ABCC1: variants seen among roughly 807,000 people sequenced by gnomAD.
The protein encoded by ABCC1 is ATP binding cassette subfamily C member 1 (ABCC1 blood group).
ABCC1 carries 83 observed loss-of-function variants against 172.9 expected under a neutral mutation model. The ratio of observed to expected loss-of-function variants is 0.48; its 90% CI spans 0.40 to 0.58. ABCC1 has a LOEUF of 0.58. Ranked by LOEUF, ABCC1 falls within the 20% of genes least tolerant of loss-of-function variation. The probability of loss-of-function intolerance (pLI) is 0.00; values close to 1 mark genes in which losing one functional copy is unlikely to be tolerated. For synonymous variants in ABCC1, 937 were observed against 825.2 expected, an observed-to-expected ratio of 1.14 and a Z score of -2.32; for missense variants, 1,817 against 2,002.7, an observed-to-expected ratio of 0.91 and a Z score of 1.77.
chr16:15,950,907 A>G (rs1476921717), intron 1 of ABCC1, among the ~76,000 whole-genome samples: 1 of 151,946 alleles, frequency 6.6e-6, no homozygotes, highest in African/African-American at 2.4e-5. Context: ...CCAGGGCCCC[A>G]TTGGAGGGTT....
At chr16:16,102,536 C>T (rs1213536250) in intron 19 of ABCC1, 91 bp from the exon 20 acceptor site, 77 of 1,163,084 alleles carry the variant, frequency 6.6e-5, no homozygotes, top group Non-Finnish European at 7.8e-5. Flanking sequence ...GCTCTGTGGT[C>T]TCCTCACTGA....
At chr16:15,973,476 C>CT (rs2046414761) in intron 1 of ABCC1, among the ~76,000 whole-genome samples, 1 of 152,070 alleles carries the variant, frequency 6.6e-6, no homozygotes, top group African/African-American at 2.4e-5. Flanking sequence ...GTCAGTAGTA[C>CT]TGCAGTTGAG....
chr16:16,089,439 T>G (rs1187056238), intron 18 of ABCC1, among the ~76,000 whole-genome samples: 1 of 151,938 alleles, frequency 6.6e-6, no homozygotes, highest in Non-Finnish European at 1.5e-5. Context: ...TCCCAGCTAC[T>G]TGGGAGGCTG....
At chr16:16,009,648 C>T (rs1211974113) in intron 2 of ABCC1, 128 bp from the exon 3 acceptor site, 11 of 1,024,866 alleles carry the variant, frequency 1.1e-5, no homozygotes, top group Non-Finnish European at 1.4e-5. Context: ...TGTGCCATGT[C>T]CTAGGACTGT....
At chr16:16,115,705 C>T (rs527524387) in intron 23 of ABCC1, among the ~76,000 whole-genome samples, 1 of 152,002 alleles carries the variant, frequency 6.6e-6, no homozygotes, top group East Asian at 1.9e-4. Context: ...GAGGCAGGAA[C>T]TAAACAAAAA....
intron 23 of ABCC1, among the ~76,000 whole-genome samples, chr16:16,118,530 A>G (rs1274018504): frequency 6.6e-6 from 1 of 150,908 alleles, no homozygotes; most frequent in African/African-American, 2.4e-5. Context: ...AAACAGGCCA[A>G]ATGCAGTGTT....
At chr16:16,137,478 A>G (rs1443834376) in intron 29 of ABCC1, among the ~76,000 whole-genome samples, 1 of 151,234 alleles carries the variant, frequency 6.6e-6, no homozygotes, top group Non-Finnish European at 1.5e-5. Flanking sequence ...AAAGCAAGGA[A>G]CATGTCTGAT....
At chr16:15,984,085 T>C (rs1476041443) in intron 1 of ABCC1, among the ~76,000 whole-genome samples, 2 of 152,172 alleles carry the variant, frequency 1.3e-5, no homozygotes, top group East Asian at 3.9e-4. Context: ...AGGGAACTCA[T>C]TGTGTCATTG....
chr16:15,956,544 C>A (rs1040167448), intron 1 of ABCC1, among the ~76,000 whole-genome samples: 9 of 151,760 alleles, frequency 5.9e-5, no homozygotes, highest in Non-Finnish European at 1.3e-4. Context: ...GCTGTGTTGC[C>A]GAGGCTGGTC....
intron 20 of ABCC1, among the ~76,000 whole-genome samples, chr16:16,103,611 CA>C (rs1357890622): frequency 5.3e-4 from 80 of 152,154 alleles, no homozygotes; most frequent in African/African-American, 1.8e-3. Flanking sequence ...ACAGCAGCAG[CA>C]GCAGAAAACA....
At chr16:16,076,766 C>T (rs1167051113) in intron 15 of ABCC1, among the ~76,000 whole-genome samples, 2 of 152,200 alleles carry the variant, frequency 1.3e-5, no homozygotes, top group Non-Finnish European at 2.9e-5. Context: ...CTGTGTTTCA[C>T]TTTCTCCTGG....
rs1233482898 is a variant in ABCC1, at chr16:16,076,363, A to G, written c.1950A>G (p.Thr650=). The G allele has an allele frequency of 2.5e-6, 4 of 1,612,248 alleles. No individual in the cohort carries two copies. The highest frequency in any genetic ancestry group is 3.4e-6 in the Non-Finnish European group (4 of 1,179,210). Residue 650 remains threonine, a synonymous_variant, in exon 15 of 31, where the codon ACA becomes ACG. Coordinates refer to ENST00000399410, the MANE Select transcript of ABCC1 (RefSeq NM_004996.4). ...GTNSITVRNA[T]FTWARSDPPT... Reference sequence around the variant, plus strand: ...ACAGCATCACCGTGAGGAATGCCACATTCACCTGGGCCAGGAGCGACCCTC... The same window carrying G: ...ACAGCATCACCGTGAGGAATGCCACGTTCACCTGGGCCAGGAGCGACCCTC...
chr16:16,101,019 TTTTTTTATTTTTA>T (rs1439787367), intron 19 of ABCC1, among the ~76,000 whole-genome samples: 8 of 152,054 alleles, frequency 5.3e-5, no homozygotes, highest in East Asian at 1.9e-4. Flanking sequence ...TTTTAGATTT[TTTTTTTATTTTTA>T]TTTTTTATTT....
At chr16:15,983,292 G>C (rs2046669812) in intron 1 of ABCC1, among the ~76,000 whole-genome samples, 1 of 152,124 alleles carries the variant, frequency 6.6e-6, no homozygotes, top group Admixed American at 6.6e-5. Flanking sequence ...GGGGTCCCTG[G>C]AACAGTGAGT....
intron 7 of ABCC1, among the ~76,000 whole-genome samples, chr16:16,040,237 C>T (rs2048924904): frequency 6.6e-6 from 1 of 152,052 alleles, no homozygotes; most frequent in South Asian, 2.1e-4. Flanking sequence ...GCTGGGATTA[C>T]AGGTGCACAC....
chr16:16,127,869 T>C (rs1160380956), intron 26 of ABCC1, among the ~76,000 whole-genome samples: 1 of 151,810 alleles, frequency 6.6e-6, no homozygotes, highest in Non-Finnish European at 1.5e-5. Flanking sequence ...CACCGGCGGC[T>C]TCCAACTTGA....
At chr16:15,990,949 G>A (rs931970985) in intron 1 of ABCC1, among the ~76,000 whole-genome samples, 2 of 151,660 alleles carry the variant, frequency 1.3e-5, no homozygotes, top group African/African-American at 2.4e-5. Flanking sequence ...AGGTGTGAGC[G>A]ACTGCGCCCG....
At chr16:15,983,204 C>T (rs2046667499) in intron 1 of ABCC1, among the ~76,000 whole-genome samples, 1 of 152,102 alleles carries the variant, frequency 6.6e-6, no homozygotes, top group East Asian at 1.9e-4. Context: ...GATGCCCCTG[C>T]ATTGCATGTC....
intron 1 of ABCC1, among the ~76,000 whole-genome samples, chr16:15,963,969 A>C (rs2046192448): frequency 6.8e-6 from 1 of 147,036 alleles, no homozygotes; most frequent in Admixed American, 6.8e-5. Flanking sequence ...TTTGAGATGG[A>C]GTCTCTCTCT....
Sources: gnomAD v4.1 joint callset for allele counts (sites outside exome capture counted in the v4.1 genomes callset) on GRCh38, gnomAD v4.1.1 for gene constraint, MANE v1.5 for transcripts, NCBI Gene and HGNC (gene_info 2026-07-23, HGNC 2026-07-21) for gene names.